Variants in DPP10 observed in about 807,000 individuals in gnomAD.
DPP10 encodes the protein dipeptidyl peptidase like 10, also known as inactive dipeptidyl peptidase 10.
Under a neutral mutation model 120.9 loss-of-function variants are expected in DPP10, and 33 were observed. The observed-to-expected ratio is 0.27, with a 90% confidence interval of 0.21 to 0.37. The LOEUF (loss-of-function observed/expected upper bound fraction) is 0.37, where lower values mean the gene tolerates loss of function less well. Ranked by LOEUF, DPP10 falls within the 10% of genes least tolerant of loss-of-function variation. DPP10 has a pLI of 1.00. For missense variants in DPP10, 816 were observed against 942.8 expected, an observed-to-expected ratio of 0.87 and a Z score of 1.76; for synonymous variants, 337 against 326.1, an observed-to-expected ratio of 1.03 and a Z score of -0.36.
chr2:115,114,909 G>A (rs1239399794), intron 1 of DPP10, among the ~76,000 whole-genome samples: 1 of 152,020 alleles, frequency 6.6e-6, no homozygotes. Flanking sequence ...AACAAGGGAA[G>A]TGGGACATAA....
intron 5 of DPP10, among the ~76,000 whole-genome samples, chr2:115,573,921 G>C (rs917000760): frequency 6.6e-6 from 1 of 151,908 alleles, no homozygotes; most frequent in African/African-American, 2.4e-5. Flanking sequence ...TGCATCTTTT[G>C]GTAACTCCTC....
At chr2:114,597,771 T>C (rs1308897746) in intron 1 of DPP10, among the ~76,000 whole-genome samples, 2 of 151,954 alleles carry the variant, frequency 1.3e-5, no homozygotes, top group Non-Finnish European at 2.9e-5. Context: ...TTGAAATTCA[T>C]GGCACTTATG....
intron 1 of DPP10, among the ~76,000 whole-genome samples, chr2:114,472,792 A>G (rs899012316): frequency 1.3e-5 from 2 of 152,208 alleles, no homozygotes; most frequent in African/African-American, 2.4e-5. Flanking sequence ...GTGTTCTAGC[A>G]TTGTGAAATG....
chr2:114,948,175 A>G (rs1299813893), intron 1 of DPP10, among the ~76,000 whole-genome samples: 1 of 151,904 alleles, frequency 6.6e-6, no homozygotes, highest in Non-Finnish European at 1.5e-5. Flanking sequence ...GCTTTGACTT[A>G]ATTGTTCAGC....
At chr2:114,760,300 C>T (rs987582838) in intron 1 of DPP10, among the ~76,000 whole-genome samples, 8 of 152,122 alleles carry the variant, frequency 5.3e-5, no homozygotes, top group South Asian at 4.2e-4. Flanking sequence ...GGGAGAGTAG[C>T]GCACCCTCCC....
At chr2:114,987,926 C>T (rs1700515190) in intron 1 of DPP10, among the ~76,000 whole-genome samples, 1 of 151,378 alleles carries the variant, frequency 6.6e-6, no homozygotes. Flanking sequence ...GCCTCAGTCT[C>T]CCGAGTAGCT....
At chr2:115,251,493 C>T (rs953698388) in intron 1 of DPP10, among the ~76,000 whole-genome samples, 2 of 151,984 alleles carry the variant, frequency 1.3e-5, no homozygotes, top group Admixed American at 1.3e-4. Flanking sequence ...ACAAAAAATC[C>T]CCAGGATCTT....
intron 1 of DPP10, among the ~76,000 whole-genome samples, chr2:114,566,078 G>A (rs1177382720): frequency 1.3e-5 from 2 of 152,176 alleles, no homozygotes; most frequent in Non-Finnish European, 2.9e-5. Context: ...GAATACTAAA[G>A]AGAAAGAGAA....
intron 3 of DPP10, among the ~76,000 whole-genome samples, chr2:115,465,512 A>T (rs755443528): frequency 3.9e-5 from 6 of 152,150 alleles, no homozygotes; most frequent in Non-Finnish European, 5.9e-5. Context: ...ATTTGAGGAA[A>T]GTCTAAATGC....
chr2:115,447,620 G>A (rs1250472233), intron 3 of DPP10, among the ~76,000 whole-genome samples: 2 of 152,128 alleles, frequency 1.3e-5, no homozygotes, highest in Non-Finnish European at 2.9e-5. Flanking sequence ...AGTTCTCATA[G>A]GATCTGATGG....
At chr2:115,759,634 A>C (rs1408805303) in intron 11 of DPP10, among the ~76,000 whole-genome samples, 1 of 152,104 alleles carries the variant, frequency 6.6e-6, no homozygotes, top group African/African-American at 2.4e-5. Flanking sequence ...AAACATATGT[A>C]AACACAATTT....
intron 1 of DPP10, among the ~76,000 whole-genome samples, chr2:114,476,870 T>G (rs752975377): frequency 7.2e-5 from 11 of 152,166 alleles, no homozygotes; most frequent in Admixed American, 1.3e-4. Context: ...AAAACTATCC[T>G]TATGCTCCCT....
chr2:115,827,321 G>GTATATGTATATA (rs1470690423), intron 21 of DPP10, among the ~76,000 whole-genome samples: 5 of 143,906 alleles, frequency 3.5e-5, no homozygotes, highest in Non-Finnish European at 6.0e-5. Flanking sequence ...ACATGTACAT[G>GTATATGTATATA]TATATGTATA....
At chr2:115,363,562 G>A (rs778184005) in intron 3 of DPP10, among the ~76,000 whole-genome samples, 9 of 152,174 alleles carry the variant, frequency 5.9e-5, no homozygotes, top group African/African-American at 1.7e-4. Context: ...GACATGGTGC[G>A]CAAGTTACTT....
chr2:114,496,454 C>T (rs1682526944), intron 1 of DPP10, among the ~76,000 whole-genome samples: 1 of 152,094 alleles, frequency 6.6e-6, no homozygotes, highest in Non-Finnish European at 1.5e-5. Flanking sequence ...ATACAGGTGT[C>T]AGCAGATTCA....
At chr2:115,793,574 T>G (rs1333213547) in intron 19 of DPP10, among the ~76,000 whole-genome samples, 1 of 151,968 alleles carries the variant, frequency 6.6e-6, no homozygotes, top group Non-Finnish European at 1.5e-5. Context: ...ATATAAATAT[T>G]TAATGTGTAA....
chr2:114,891,002 T>G (rs1034177892), intron 1 of DPP10, among the ~76,000 whole-genome samples: 1 of 152,214 alleles, frequency 6.6e-6, no homozygotes, highest in Non-Finnish European at 1.5e-5. Flanking sequence ...CTACTGGTTT[T>G]CAGCTGCCAG....
intron 1 of DPP10, among the ~76,000 whole-genome samples, chr2:115,006,275 A>T: frequency 6.6e-6 from 1 of 152,176 alleles, no homozygotes; most frequent in Non-Finnish European, 1.5e-5. Context: ...GTCAAAATGT[A>T]AAGACCATCG....
At chr2:114,480,443 C>T (rs1439613111) in intron 1 of DPP10, among the ~76,000 whole-genome samples, 2 of 152,058 alleles carry the variant, frequency 1.3e-5, no homozygotes, top group African/African-American at 4.8e-5. Flanking sequence ...ATAGCAAAGA[C>T]TTGGAACCGA....
Sources: gnomAD v4.1 joint callset for allele counts (sites outside exome capture counted in the v4.1 genomes callset) on GRCh38, gnomAD v4.1.1 for gene constraint, MANE v1.5 for transcripts, NCBI Gene and HGNC (gene_info 2026-07-23, HGNC 2026-07-21) for gene names.